Variants in CNBD1 observed in about 807,000 individuals in gnomAD.
CNBD1 encodes cyclic nucleotide binding domain containing 1, also known as cyclic nucleotide-binding domain-containing protein 1.
In CNBD1, 71 loss-of-function variants were observed where a neutral mutation model predicts 54.4. The ratio of observed to expected loss-of-function variants is 1.30; its 90% CI spans 1.08 to 1.59. The LOEUF (loss-of-function observed/expected upper bound fraction) is 1.59. CNBD1 is among the 40% of genes most tolerant of loss of function. The pLI, the probability that CNBD1 is intolerant of heterozygous loss-of-function variation, is 0.00. For missense variants in CNBD1, 659 were observed against 518.0 expected, an observed-to-expected ratio of 1.27 and a Z score of -2.64; for synonymous variants, 182 against 170.7, an observed-to-expected ratio of 1.07 and a Z score of -0.51.
intron 4 of CNBD1, among the ~76,000 whole-genome samples, chr8:87,118,562 C>T (rs1036009283): frequency 6.6e-6 from 1 of 151,964 alleles, no homozygotes; most frequent in African/African-American, 2.4e-5. Context: ...CAGTTTCTAG[C>T]GAGAGCAAAG....
At chr8:87,031,703 G>T (rs1342255060) in intron 4 of CNBD1, among the ~76,000 whole-genome samples, 4 of 152,000 alleles carry the variant, frequency 2.6e-5, no homozygotes, top group African/African-American at 9.7e-5. Context: ...CATTAGTATT[G>T]ACATCCAATT....
intron 2 of CNBD1, among the ~76,000 whole-genome samples, chr8:87,400,703 C>A (rs946650799): frequency 6.6e-6 from 1 of 151,856 alleles, no homozygotes; most frequent in Non-Finnish European, 1.5e-5. Flanking sequence ...AATTTAAGAT[C>A]TGATATTCTG....
intron 2 of CNBD1, among the ~76,000 whole-genome samples, chr8:87,391,864 T>C (rs1024923075): frequency 2.0e-5 from 3 of 152,050 alleles, no homozygotes; most frequent in African/African-American, 7.2e-5. Flanking sequence ...TCAAAAACTT[T>C]TGTGCTGCAA....
intron 1 of CNBD1, among the ~76,000 whole-genome samples, chr8:86,873,782 T>C (rs1005815233): frequency 3.3e-5 from 5 of 152,198 alleles, no homozygotes; most frequent in Non-Finnish European, 7.4e-5. Context: ...ATGTGAGAAA[T>C]ATTAAATTTA....
intron 4 of CNBD1, among the ~76,000 whole-genome samples, chr8:87,140,047 A>G (rs971027642): frequency 6.6e-6 from 1 of 152,158 alleles, no homozygotes; most frequent in East Asian, 1.9e-4. Context: ...CTCTAAAATG[A>G]AAAGGAAAAA....
At chr8:87,289,888 C>T (rs1043194460) in intron 8 of CNBD1, among the ~76,000 whole-genome samples, 11 of 152,078 alleles carry the variant, frequency 7.2e-5, no homozygotes, top group South Asian at 2.1e-4. Context: ...TTTGATACCT[C>T]GAGGTGCCAG....
At position 87,157,538 on chromosome 8, in the gene CNBD1, C is replaced by A. The variant is rs531093547; in HGVS notation, c.432-48455C>A. ...TAAACATAGGGACACATTTGGTATTCTTTTGCATTCAGCAGAATGCAGCAG... is the reference window on the plus strand; with the variant it reads ...TAAACATAGGGACACATTTGGTATTATTTTGCATTCAGCAGAATGCAGCAG... On this transcript the variant is annotated intron_variant, in intron 4 of 10. Coordinates refer to ENST00000518476, the MANE Select transcript of CNBD1 (RefSeq NM_173538.3). 2.0e-5 allele frequency among the ~76,000 whole-genome samples: 3 copies of A among 152,084 alleles called. 1 individual carries two copies. The South Asian group carries it at 6.2e-4, about 32-fold the overall frequency.
chr8:86,932,591 C>G (rs1208391830), intron 3 of CNBD1, among the ~76,000 whole-genome samples: 4 of 152,122 alleles, frequency 2.6e-5, no homozygotes, highest in African/African-American at 9.7e-5. Flanking sequence ...ATTTGCCTTC[C>G]CTCTTACAGA....
intron 4 of CNBD1, among the ~76,000 whole-genome samples, chr8:87,194,157 A>G (rs1404321817): frequency 6.6e-6 from 1 of 152,168 alleles, no homozygotes. Flanking sequence ...AATCATCACA[A>G]AAAATGGTCT....
intron 6 of CNBD1, among the ~76,000 whole-genome samples, chr8:87,262,907 T>A (rs1383221841): frequency 6.6e-6 from 1 of 152,150 alleles, no homozygotes; most frequent in African/African-American, 2.4e-5. Context: ...TTGGAGATAA[T>A]GATGATGGAG....
At chr8:87,192,964 T>C (rs1434678611) in intron 4 of CNBD1, among the ~76,000 whole-genome samples, 2 of 152,202 alleles carry the variant, frequency 1.3e-5, no homozygotes, top group Non-Finnish European at 2.9e-5. Context: ...GTGAAAATAT[T>C]ACAAACAGAA....
chr8:86,919,639 A>T (rs942555046), intron 3 of CNBD1, among the ~76,000 whole-genome samples: 5 of 152,108 alleles, frequency 3.3e-5, no homozygotes, highest in African/African-American at 4.8e-5. Context: ...TTGATTAGGA[A>T]CTCAAAGTAC....
At chr8:86,936,742 C>CAAAA (rs35376017) in intron 3 of CNBD1, among the ~76,000 whole-genome samples, 7 of 100,862 alleles carry the variant, frequency 6.9e-5, no homozygotes, top group African/African-American at 2.1e-4. Context: ...GACTCCATCT[C>CAAAA]AAAAAAAAAA....
At chr8:87,310,391 AAAAT>A (rs1310970908) in intron 8 of CNBD1, among the ~76,000 whole-genome samples, 1 of 152,074 alleles carries the variant, frequency 6.6e-6, no homozygotes, top group East Asian at 1.9e-4. Flanking sequence ...TCCACACAAA[AAAAT>A]AAATACGTAG....
chr8:86,917,773 A>G (rs1409263403), intron 3 of CNBD1, among the ~76,000 whole-genome samples: 8 of 152,206 alleles, frequency 5.3e-5, no homozygotes, highest in African/African-American at 1.9e-4. Flanking sequence ...AACTACAATC[A>G]TGTAAGCAAT....
chr8:87,012,193 G>C (rs1809238235), intron 4 of CNBD1, among the ~76,000 whole-genome samples: 1 of 152,122 alleles, frequency 6.6e-6, no homozygotes, highest in Non-Finnish European at 1.5e-5. Flanking sequence ...TTTGATAGTA[G>C]AGGTCATTAG....
At chr8:87,062,101 G>A (rs1474584027) in intron 4 of CNBD1, among the ~76,000 whole-genome samples, 1 of 152,234 alleles carries the variant, frequency 6.6e-6, no homozygotes, top group Non-Finnish European at 1.5e-5. Flanking sequence ...CTCCCGGCAA[G>A]TGAAATATTC....
intron 2 of CNBD1, among the ~76,000 whole-genome samples, chr8:87,413,664 C>T (rs1161565799): frequency 2.0e-5 from 3 of 151,810 alleles, no homozygotes; most frequent in Non-Finnish European, 4.4e-5. Context: ...TGAACTCAAA[C>T]AAATTTACAA....
intron 4 of CNBD1, among the ~76,000 whole-genome samples, chr8:86,973,875 C>T (rs933375452): frequency 3.9e-5 from 6 of 152,050 alleles, no homozygotes; most frequent in Admixed American, 1.3e-4. Flanking sequence ...TTGCTGATTT[C>T]GGAGAGTGAC....
Sources: allele counts gnomAD v4.1 joint callset (sites outside exome capture counted in the v4.1 genomes callset), GRCh38; gene constraint gnomAD v4.1.1; transcripts MANE v1.5; gene names NCBI Gene and HGNC (gene_info 2026-07-23, HGNC 2026-07-21).